Variants in IRAG1 observed in about 807,000 individuals in gnomAD.
The protein encoded by IRAG1 is IP3R-associated cGMP kinase substrate.
Under a neutral mutation model 106.2 loss-of-function variants are expected in IRAG1, and 62 were observed. The observed-to-expected ratio is 0.58, with a 90% confidence interval of 0.48 to 0.72. IRAG1 has a LOEUF of 0.72. Among genes scored for constraint, IRAG1 ranks in the 30% least tolerant of loss-of-function variants. The pLI is 0.00. For missense variants in IRAG1, 1,064 were observed against 1,140.7 expected (o/e 0.93, Z 0.97); for synonymous variants, 462 against 443.9 (o/e 1.04, Z -0.51).
In IRAG1 at chr11:10,584,642, G is replaced by T. The variant is rs967741654; in HGVS notation, c.2241-2656C>A. On this transcript the variant is annotated intron_variant, in intron 18 of 20. Coordinates refer to ENST00000423302, the MANE Select transcript of IRAG1 (RefSeq NM_130385.4). Reference sequence around the variant, plus strand: ...TTATATACAACTGTCAGCCTTAGAGGTTCCTTAATGTTAAGCATGCGTGAA... The same window carrying T: ...TTATATACAACTGTCAGCCTTAGAGTTTCCTTAATGTTAAGCATGCGTGAA... Among the ~76,000 whole-genome samples, 14 of 146,110 alleles carry T rather than the reference G, an allele frequency of 9.6e-5. No homozygotes were observed. In the East Asian group the frequency reaches 2.8e-3, roughly 29 times the overall value.
At chr11:10,595,034 C>T (rs1280534191) in intron 15 of IRAG1, among the ~76,000 whole-genome samples, 2 of 152,148 alleles carry the variant, frequency 1.3e-5, no homozygotes, top group Non-Finnish European at 2.9e-5. Flanking sequence ...ATGTGATTCT[C>T]GTGCCTCAGC....
chr11:10,576,006 C>A lies in IRAG1; in HGVS notation c.*326G>T. The A allele has an allele frequency of 3.1e-6, 1 of 318,786 alleles. No homozygotes were observed. The highest frequency in any genetic ancestry group is 4.3e-5 in the South Asian group (1 of 23,080). The allele number at this position is 318,786 out of a possible 1,614,324, so 19.7% of individuals were successfully genotyped here. A position where few individuals can be genotyped will look rare whatever the true frequency, so the allele number is the denominator to read the frequency against. On this transcript the variant is annotated 3_prime_UTR_variant, in exon 21 of 21. Coordinates refer to ENST00000423302, the MANE Select transcript of IRAG1 (RefSeq NM_130385.4). Reference sequence around the variant, plus strand: ...CTCCTCCCCCGTGCCCCGCTCCTTACCCCCAACCACCAGTGAAGGTGTTTT... The same window carrying A: ...CTCCTCCCCCGTGCCCCGCTCCTTAACCCCAACCACCAGTGAAGGTGTTTT...
At position 10,626,500 on chromosome 11, in the gene IRAG1, T is replaced by C. The variant is rs768424960; in HGVS notation, c.834A>G (p.Pro278=). The part of the protein sequence containing the change: ...SQGRLAPRPP[P]VEKSKEIAIE... ...TTGCAATCTCTTTGGACTTCTCAAC[T>C]GGAGGAGGACGAGGAGCCAGCCTGC... Residue 278 remains proline, a synonymous_variant, in exon 9 of 21, where the codon CCA becomes CCG. Transcript: ENST00000423302. 42 of 1,613,602 alleles carry C rather than the reference T, an allele frequency of 2.6e-5. No homozygotes were observed. Among genetic ancestry groups the C allele is most frequent in the East Asian group, 2.5e-4 (11 of 44,864 alleles).
chr11:10,594,872 T>C (rs1853102502), intron 15 of IRAG1, among the ~76,000 whole-genome samples: 1 of 152,162 alleles, frequency 6.6e-6, no homozygotes, highest in Non-Finnish European at 1.5e-5. Flanking sequence ...TTCATATCCA[T>C]ATATTTTTGG....
At chr11:10,661,397 G>A (rs187454923) in intron 1 of IRAG1, among the ~76,000 whole-genome samples, 5 of 152,152 alleles carry the variant, frequency 3.3e-5, no homozygotes, top group East Asian at 3.9e-4. Context: ...TTCCTACTGC[G>A]TCTGTACCAA....
chr11:10,691,926 G>A (rs1862088559), intron 1 of IRAG1, among the ~76,000 whole-genome samples: 1 of 152,142 alleles, frequency 6.6e-6, no homozygotes, highest in South Asian at 2.1e-4. Context: ...GACCAGGGTG[G>A]AAAGAATGAC....
intron 10 of IRAG1, among the ~76,000 whole-genome samples, chr11:10,613,596 T>G (rs1855159864): frequency 6.6e-6 from 1 of 152,228 alleles, no homozygotes; most frequent in South Asian, 2.1e-4. Context: ...TACATTTAAG[T>G]CTAAGGCTAA....
intron 15 of IRAG1, among the ~76,000 whole-genome samples, chr11:10,594,662 G>A (rs10770126): frequency 0.6 from 91,534 of 151,964 alleles, 28,031 homozygotes; most frequent in East Asian, 0.72. Context: ...ATGACTCAGA[G>A]CAAAGGAAGC....
At chr11:10,650,984 T>C (rs1026766704) in intron 2 of IRAG1, among the ~76,000 whole-genome samples, 1 of 152,260 alleles carries the variant, frequency 6.6e-6, no homozygotes, top group African/African-American at 2.4e-5. Flanking sequence ...ACTAAGAATC[T>C]GCCCTTTTGT....
intron 10 of IRAG1, among the ~76,000 whole-genome samples, chr11:10,619,067 C>A (rs572952137): frequency 6.6e-6 from 1 of 152,258 alleles, no homozygotes; most frequent in South Asian, 2.1e-4. Flanking sequence ...GGCCTGAACC[C>A]TTTTCACTTA....
intron 1 of IRAG1, among the ~76,000 whole-genome samples, chr11:10,680,205 G>C (rs957152616): frequency 1.9e-4 from 29 of 150,062 alleles, no homozygotes; most frequent in Non-Finnish European, 3.5e-4. Flanking sequence ...CCCAGGAGGT[G>C]GAGGTTGCAG....
In IRAG1 at chr11:10,633,987, C is replaced by T. The variant is rs370394104; in HGVS notation, c.310G>A (p.Asp104Asn). Residue 104 changes from aspartate (D) to asparagine (N), a missense_variant, in exon 3 of 21, where the codon GAC becomes AAC. Coordinates refer to ENST00000423302, the MANE Select transcript of IRAG1 (RefSeq NM_130385.4). ...GDATSPEGET[D>N]KNLANRVHSP... is the part of the protein sequence containing the mutation. ...CTGTACCTGTTGGCCAGGTTTTTGT[C>T]GGTTTCTCCTTCTGGTGAAGTGGCA... The T allele has an allele frequency of 2.0e-5, 33 of 1,611,070 alleles. No individual in the cohort carries two copies. The highest frequency in any genetic ancestry group is 4.5e-5 in the East Asian group (2 of 44,814).
At chr11:10,629,458 C>T in intron 5 of IRAG1, 80 bp downstream of exon 5, 1 of 1,480,562 alleles carries the variant, frequency 6.8e-7, no homozygotes, top group Non-Finnish European at 9.1e-7. Context: ...GGTGAGGCGC[C>T]CACTGCAGCT....
intron 9 of IRAG1, among the ~76,000 whole-genome samples, chr11:10,625,622 T>C (rs1430403819): frequency 2.0e-5 from 3 of 152,148 alleles, no homozygotes; most frequent in Non-Finnish European, 4.4e-5. Flanking sequence ...TTCCTGTTTA[T>C]GAGCCACTGA....
At chr11:10,655,477 T>C (rs528565053) in intron 1 of IRAG1, among the ~76,000 whole-genome samples, 2 of 152,292 alleles carry the variant, frequency 1.3e-5, no homozygotes, top group East Asian at 3.9e-4. Context: ...GACTGAAAGG[T>C]CAGATGAAGG....
intron 1 of IRAG1, among the ~76,000 whole-genome samples, chr11:10,676,490 G>A (rs1043349404): frequency 6.6e-6 from 1 of 152,214 alleles, no homozygotes; most frequent in Non-Finnish European, 1.5e-5. Context: ...AATATCCCAT[G>A]CTCCCAGCTC....
At chr11:10,677,064 G>T (rs898322078) in intron 1 of IRAG1, among the ~76,000 whole-genome samples, 1 of 152,178 alleles carries the variant, frequency 6.6e-6, no homozygotes, top group Non-Finnish European at 1.5e-5. Flanking sequence ...CACCTGCAAA[G>T]CTCTACATCT....
Position 10,684,619 on chromosome 11 carries a change from T to C in IRAG1, c.67+8917A>G, listed in dbSNP as rs867702707. Among the ~76,000 whole-genome samples, 223 of 147,020 alleles carry C rather than the reference T, an allele frequency of 1.5e-3. 2 individuals are homozygous for C. The highest frequency in any genetic ancestry group is 1.6e-3 in the African/African-American group (65 of 40,354). Reference sequence around the variant, plus strand: ...ACTTAAAGTATAATAATAATAATAATAATAATAATAATAATAATAATAATA... The same window carrying C: ...ACTTAAAGTATAATAATAATAATAACAATAATAATAATAATAATAATAATA... On this transcript the variant is annotated intron_variant, in intron 1 of 20. Transcript: ENST00000423302.
chr11:10,634,285 C>T (rs752506723), intron 2 of IRAG1, among the ~76,000 whole-genome samples: 3 of 152,260 alleles, frequency 2.0e-5, no homozygotes, highest in African/African-American at 7.2e-5. Context: ...GTTTTCATTA[C>T]CTTGATACAA....
Sources: gnomAD v4.1 joint callset for allele counts (sites outside exome capture counted in the v4.1 genomes callset) on GRCh38, gnomAD v4.1.1 for gene constraint, MANE v1.5 for transcripts, NCBI Gene and HGNC (gene_info 2026-07-23, HGNC 2026-07-21) for gene names.